The following CNR2 variants were observed in gnomAD, a reference collection of about 807,000 sequenced individuals.
The protein encoded by CNR2 is cannabinoid receptor 2, also known as cannabinoid receptor 2 (macrophage).
For missense variants in CNR2, 379 were observed against 439.9 expected (o/e 0.86, Z 1.24); for synonymous variants, 172 against 182.2 (o/e 0.94, Z 0.45).
intron 1 of CNR2, among the ~76,000 whole-genome samples, chr1:23,882,202 C>A (rs898498738): frequency 5.9e-5 from 9 of 152,002 alleles, no homozygotes; most frequent in South Asian, 4.2e-4. Context: ...GGATTATAGG[C>A]ATGAGCTACC....
At chr1:23,912,574 A>C (rs1640604596) in intron 1 of CNR2, among the ~76,000 whole-genome samples, 2 of 152,250 alleles carry the variant, frequency 1.3e-5, no homozygotes, top group Non-Finnish European at 2.9e-5. Context: ...TATCAAGTGG[A>C]CAACAGTGAT....
At chr1:23,878,488 C>T (rs1048363072) in intron 1 of CNR2, among the ~76,000 whole-genome samples, 5 of 151,236 alleles carry the variant, frequency 3.3e-5, no homozygotes, top group East Asian at 1.9e-4. Context: ...AAGTGATTCT[C>T]CAGCTTCAGC....
chr1:23,899,392 G>GGTGTCCTTGTTCATTCCTGGGCATA (rs1557532127), intron 1 of CNR2, among the ~76,000 whole-genome samples: 2 of 152,132 alleles, frequency 1.3e-5, no homozygotes, highest in South Asian at 2.1e-4. Context: ...GTTCATTCCT[G>GGTGTCCTTGTTCATTCCTGGGCATA]GGCTGAACTA....
chr1:23,899,078 T>C (rs1248477268), intron 1 of CNR2, among the ~76,000 whole-genome samples: 5 of 152,214 alleles, frequency 3.3e-5, no homozygotes, highest in South Asian at 2.1e-4. Context: ...GAGTAGATTT[T>C]AAATGTTACC....
intron 1 of CNR2, among the ~76,000 whole-genome samples, chr1:23,879,115 T>G (rs1639936124): frequency 6.6e-6 from 1 of 151,992 alleles, no homozygotes; most frequent in African/African-American, 2.4e-5. Flanking sequence ...AGTGAGTAAT[T>G]TATGCCCATC....
rs2148453356 is a variant in CNR2, at chr1:23,871,592, A to AC, written c.*2942dup. The stretch of plus-strand genomic sequence containing the variant: ...CTGAGCACTGGGGATGCAGAGGTCA[A>AC]CCTGGAGCTCATCTTGTTGAGGGAG... On this transcript the variant is annotated 3_prime_UTR_variant, in exon 2 of 2. Coordinates refer to ENST00000374472, the MANE Select transcript of CNR2 (RefSeq NM_001841.3). 6.6e-6 allele frequency: 1 copy of AC among 152,286 alleles called. No homozygotes were observed. Among genetic ancestry groups the AC allele is most frequent in the Non-Finnish European group, 1.5e-5 (1 of 68,058 alleles). 9.4% of individuals were successfully genotyped at this position (152,286 alleles called of 1,614,324 possible). A position where few individuals can be genotyped will look rare whatever the true frequency, so the allele number is the denominator to read the frequency against.
At chr1:23,910,654 C>CAAAAAAAAA (rs34083515) in intron 1 of CNR2, among the ~76,000 whole-genome samples, 10 of 32,118 alleles carry the variant, frequency 3.1e-4, no homozygotes, top group Admixed American at 9.2e-4. Context: ...AACGCTGTCT[C>CAAAAAAAAA]AAAAAAAAAA....
chr1:23,878,733 A>G (rs942634474), intron 1 of CNR2, among the ~76,000 whole-genome samples: 14 of 152,262 alleles, frequency 9.2e-5, no homozygotes, highest in African/African-American at 2.9e-4. Context: ...TATAGCATAC[A>G]TATCAGAATA....
chr1:23,896,508 T>C (rs1640288580), intron 1 of CNR2, among the ~76,000 whole-genome samples: 2 of 152,230 alleles, frequency 1.3e-5, no homozygotes, highest in Non-Finnish European at 2.9e-5. Context: ...ATGCTATATA[T>C]GTGAACACAT....
At position 23,879,122 on chromosome 1, in the gene CNR2, C is replaced by T. The variant is rs1253391474; in HGVS notation, c.-45-3460G>A. On this transcript the variant is annotated intron_variant, in intron 1 of 1. Coordinates refer to ENST00000374472, the MANE Select transcript of CNR2 (RefSeq NM_001841.3). ...ATGATAATAGTGAGTAATTTATGCCCATCTTTACTAAAAACACAAAAATTA... is the reference window on the plus strand; with the variant it reads ...ATGATAATAGTGAGTAATTTATGCCTATCTTTACTAAAAACACAAAAATTA... Among the ~76,000 whole-genome samples the T allele has an allele frequency of 2.0e-5, 3 of 152,050 alleles. No individual in the cohort carries two copies. In the East Asian group the frequency reaches 5.8e-4, roughly 29 times the overall value.
intron 1 of CNR2, among the ~76,000 whole-genome samples, chr1:23,877,460 C>T (rs1230192526): frequency 2.0e-5 from 3 of 151,932 alleles, no homozygotes; most frequent in African/African-American, 7.2e-5. Flanking sequence ...ACGGTGAAAC[C>T]TCGTCTCTAC....
rs543393275 is a variant in CNR2 at position 23,879,754 on chromosome 1, T to C, written c.-45-4092A>G. 1.6e-3 allele frequency among the ~76,000 whole-genome samples: 245 copies of C among 152,222 alleles called. 1 individual carries two copies. Among genetic ancestry groups the C allele is most frequent in the African/African-American group, 5.3e-3 (220 of 41,536 alleles). On this transcript the variant is annotated intron_variant, in intron 1 of 1. Coordinates refer to ENST00000374472, the MANE Select transcript of CNR2 (RefSeq NM_001841.3). ...TTAGGCTTAAAAAAAAAACCAGGCA[T>C]CATCTCTTATCTGGTTTATTGCAAT...
intron 1 of CNR2, among the ~76,000 whole-genome samples, chr1:23,898,363 A>T (rs1354921431): frequency 2.7e-4 from 16 of 59,886 alleles, no homozygotes; most frequent in Non-Finnish European, 3.9e-4. Flanking sequence ...TTTTTTTGAG[A>T]TGGAGTCTTG....
In CNR2 at chr1:23,874,557, T is replaced by C. The variant is rs1330595940; in HGVS notation, c.1061A>G (p.Asp354Gly). 2.5e-6 allele frequency: 4 copies of C among 1,613,800 alleles called. No homozygotes were observed. The highest frequency in any genetic ancestry group is 1.3e-5 in the African/African-American group (1 of 74,904). ...GKITPWPDSR[D>G]LDLSDC is the part of the protein sequence containing the mutation. ...TCATCAGCAATCAGAGAGGTCTAGA[T>C]CTCTGGAATCTGGCCACGGAGTGAT... Residue 354 changes from aspartate to glycine, a missense_variant, in exon 2 of 2, where the codon GAT becomes GGT. Transcript: ENST00000374472.
chr1:23,877,426 G>A (rs927752597), intron 1 of CNR2, among the ~76,000 whole-genome samples: 1 of 151,924 alleles, frequency 6.6e-6, no homozygotes, highest in Non-Finnish European at 1.5e-5. Context: ...ATGAGGTCAG[G>A]AGATTGAGAC....
chr1:23,891,275 T>TTGTGTGTGTGTGTGTGTGTGTGTG (rs57856234), intron 1 of CNR2, among the ~76,000 whole-genome samples: 25 of 150,434 alleles, frequency 1.7e-4, no homozygotes, highest in African/African-American at 5.4e-4. Context: ...ACCAAATCTT[T>TTGTGTGTGTGTGTGTGTGTGTGTG]TGTGTGTGTG....
rs749285206 is a variant in CNR2 at position 23,875,318 on chromosome 1, C to G, written c.300G>C (p.Val100=). The stretch of plus-strand genomic sequence containing the variant: ...TCAGCAGGAAGACAGCCTTGGAATC[C>G]ACACCATGGAAAACATGGAAATTCA... ...SFVNFHVFHG[V]DSKAVFLLKI... Residue 100 remains valine, a synonymous_variant, in exon 2 of 2, where the codon GTG becomes GTC. Transcript: ENST00000374472. 6.2e-7 allele frequency: 1 copy of G among 1,614,220 alleles called. No homozygotes were observed. The highest frequency in any genetic ancestry group is 8.5e-7 in the Non-Finnish European group (1 of 1,180,040).
chr1:23,894,641 T>TAAA (rs71575781), intron 1 of CNR2, among the ~76,000 whole-genome samples: 51,781 of 108,944 alleles, frequency 0.48, 14,098 homozygotes, highest in South Asian at 0.61. Flanking sequence ...ATCTGTATTA[T>TAAA]AAATAATAAT....
chr1:23,912,117 C>T lies in CNR2; in HGVS notation c.-46+1129G>A, dbSNP rs1030851283. On this transcript the variant is annotated intron_variant, in intron 1 of 1. Transcript: ENST00000374472. The stretch of plus-strand genomic sequence containing the variant: ...TGACTCGCAACAAGCCTGTGAGTGA[C>T]CTTCTCAGGCCCATGTTTCTCAGAA... 2.0e-5 allele frequency among the ~76,000 whole-genome samples: 3 copies of T among 152,160 alleles called. No homozygotes were observed. The South Asian group carries it at 6.2e-4, about 32-fold the overall frequency.
Sources: gnomAD v4.1 joint callset for allele counts (sites outside exome capture counted in the v4.1 genomes callset) on GRCh38, gnomAD v4.1.1 for gene constraint, MANE v1.5 for transcripts, NCBI Gene and HGNC (gene_info 2026-07-23, HGNC 2026-07-21) for gene names.